The following CAPN7 variants were observed in gnomAD, a reference collection of about 807,000 sequenced individuals.
CAPN7 encodes the protein calpain-7.
A neutral mutation model predicts 115.2 loss-of-function variants in CAPN7; 72 were observed. That is an observed-to-expected ratio of 0.63 (90% confidence interval 0.52 to 0.76). The LOEUF is 0.76. CAPN7 is among the 30% of genes least tolerant of loss of function. The pLI is 0.00. For synonymous variants in CAPN7, 344 were observed against 322.3 expected, an observed-to-expected ratio of 1.07 and a Z score of -0.72; for missense variants, 905 against 971.5, an observed-to-expected ratio of 0.93 and a Z score of 0.91.
At position 15,235,106 on chromosome 3, in the gene CAPN7, C is replaced by A. The variant is rs1405086923; in HGVS notation, c.1368C>A (p.Pro456=). Residue 456 remains proline (P), a synonymous_variant, in exon 12 of 21, where the codon CCC becomes CCA. Transcript: ENST00000253693. ...EAEGEKWGLV[P]THAYAVLDIR... ...AAGGAGAGAAGTGGGGTCTGGTTCC[C>A]ACACACGCATATGCTGTTTTGGATA... 6.2e-7 allele frequency: 1 copy of A among 1,613,666 alleles called. No individual in the cohort carries two copies.
At chr3:15,208,693 T>G (rs2044767657) in intron 1 of CAPN7, among the ~76,000 whole-genome samples, 1 of 152,166 alleles carries the variant, frequency 6.6e-6, no homozygotes, top group Non-Finnish European at 1.5e-5. Context: ...TATAACTAAT[T>G]CTTATGACTA....
intron 18 of CAPN7, 87 bp from the exon 19 acceptor site, chr3:15,247,235 CTTTTT>C: frequency 1.3e-6 from 1 of 748,184 alleles, no homozygotes; most frequent in South Asian, 2.8e-5. Context: ...GGAAAATTGC[CTTTTT>C]TTTTTTTTTG....
At position 15,220,878 on chromosome 3, in the gene CAPN7, C is replaced by G; in HGVS notation, c.535C>G (p.Leu179Val). The G allele has an allele frequency of 6.2e-7, 1 of 1,614,220 alleles. No individual in the cohort carries two copies. The highest frequency in any genetic ancestry group is 2.2e-5 in the East Asian group (1 of 44,884). The change falls in exon 5 of 21, where the codon CTG (leucine) becomes GTG (valine). Residue 179 changes from leucine (L) to valine (V), a missense_variant. Physicochemically the swap from Leu to Val is conservative, Grantham distance 32 (BLOSUM62 1). This residue lies in a region of CAPN7 where 271 missense variants were observed against 239.6 expected (regional missense o/e 1.13). Coordinates refer to ENST00000253693, the MANE Select transcript of CAPN7 (RefSeq NM_014296.3). ...KPPPVRAHFP[L>V]GANPFLERPQ... ...ACCTCCAGTGAGAGCACATTTTCCA[C>G]TGGGCGCTAATCCCTTCCTTGAAAG...
At chr3:15,241,400 T>C in intron 14 of CAPN7, 53 bp from the exon 15 acceptor site, 1 of 1,569,340 alleles carries the variant, frequency 6.4e-7, no homozygotes. Flanking sequence ...GTGTTATATT[T>C]TAGCTCTATG....
intron 15 of CAPN7, 99 bp from the exon 16 acceptor site, chr3:15,242,079 G>A: frequency 1.4e-6 from 1 of 739,674 alleles, no homozygotes; most frequent in Non-Finnish European, 2.3e-6. Context: ...GAGATTTTTT[G>A]TGGAGAGATT....
rs116730010 is a variant in CAPN7 at position 15,237,976 on chromosome 3, G to A, written c.1408-2497G>A. Among the ~76,000 whole-genome samples, 290 of 151,814 alleles carry A rather than the reference G, an allele frequency of 1.9e-3. 1 individual carries two copies. The highest frequency in any genetic ancestry group is 3.4e-3 in the Non-Finnish European group (232 of 67,932). Reference sequence around the variant, plus strand: ...ACAGTGACACCCTGCCTCAAAAAATGTATATTTATATATAAAGGTTTTCTC... The same window carrying A: ...ACAGTGACACCCTGCCTCAAAAAATATATATTTATATATAAAGGTTTTCTC... On this transcript the variant is annotated intron_variant, in intron 12 of 20. Coordinates refer to ENST00000253693, the MANE Select transcript of CAPN7 (RefSeq NM_014296.3).
intron 6 of CAPN7, 110 bp from the exon 7 acceptor site, chr3:15,227,729 G>T: frequency 3.6e-6 from 2 of 553,732 alleles, no homozygotes; most frequent in Non-Finnish European, 2.9e-6. Flanking sequence ...AGATAATACA[G>T]TACTGCTATA....
intron 9 of CAPN7, among the ~76,000 whole-genome samples, chr3:15,231,891 A>G (rs1262574636): frequency 6.6e-6 from 1 of 151,980 alleles, no homozygotes; most frequent in Non-Finnish European, 1.5e-5. Context: ...ATTTATATGT[A>G]TTTTCTAGCC....
chr3:15,219,895 A>G (rs892571177), intron 4 of CAPN7, among the ~76,000 whole-genome samples: 4 of 152,172 alleles, frequency 2.6e-5, no homozygotes, highest in African/African-American at 7.2e-5. Flanking sequence ...CACAGGGGCA[A>G]CATTCATTCT....
In CAPN7 at chr3:15,245,634, A is replaced by G; in HGVS notation, c.1973A>G (p.Gln658Arg). ...GTHTFTLVVS[Q>R]YEKQNTIHYT... ...CATACCTTTACATTAGTGGTTTCTC[A>G]ATATGAAAAACAGAACACAATCCAT... The change falls in exon 17 of 21, where the codon CAA becomes CGA. Residue 658 changes from glutamine to arginine, a missense_variant. By Grantham distance (43) the Gln-to-Arg change is conservative. Coordinates refer to ENST00000253693, the MANE Select transcript of CAPN7 (RefSeq NM_014296.3). 1.2e-6 allele frequency: 2 copies of G among 1,613,934 alleles called. No individual in the cohort carries two copies. Among genetic ancestry groups the G allele is most frequent in the African/African-American group, 1.3e-5 (1 of 75,032 alleles).
At chr3:15,248,122 A>C (rs1193885656) in intron 19 of CAPN7, among the ~76,000 whole-genome samples, 1 of 152,148 alleles carries the variant, frequency 6.6e-6, no homozygotes, top group Non-Finnish European at 1.5e-5. Context: ...ACATGTATAC[A>C]TATGTAACTA....
intron 2 of CAPN7, among the ~76,000 whole-genome samples, chr3:15,215,868 T>G (rs2045221651): frequency 6.6e-6 from 1 of 152,214 alleles, no homozygotes; most frequent in South Asian, 2.1e-4. Flanking sequence ...GACAGATCAC[T>G]TGAGGCCAGC....
At chr3:15,236,461 G>A (rs913275943) in intron 12 of CAPN7, among the ~76,000 whole-genome samples, 1 of 152,206 alleles carries the variant, frequency 6.6e-6, no homozygotes, top group Non-Finnish European at 1.5e-5. Context: ...AGAACGAATA[G>A]AAGTAGTGAT....
intron 2 of CAPN7, among the ~76,000 whole-genome samples, chr3:15,212,424 A>T (rs2045009012): frequency 6.6e-6 from 1 of 152,356 alleles, no homozygotes; most frequent in African/African-American, 2.4e-5. Context: ...AATATAGTCC[A>T]GTTTCCTAAT....
intron 1 of CAPN7, among the ~76,000 whole-genome samples, chr3:15,206,922 G>T (rs767648224): frequency 4.6e-5 from 7 of 152,254 alleles, no homozygotes; most frequent in Non-Finnish European, 1.0e-4. Flanking sequence ...ACTTGACTCT[G>T]ATTTACAGCT....
intron 19 of CAPN7, among the ~76,000 whole-genome samples, chr3:15,249,982 C>T (rs1414175802): frequency 1.3e-5 from 2 of 151,634 alleles, no homozygotes; most frequent in African/African-American, 4.8e-5. Flanking sequence ...CCAGGATGCT[C>T]TTGATCTCTT....
intron 10 of CAPN7, among the ~76,000 whole-genome samples, chr3:15,233,392 A>G (rs1694804993): frequency 1.3e-5 from 2 of 152,214 alleles, no homozygotes; most frequent in Non-Finnish European, 2.9e-5. Context: ...ATTAAATGCA[A>G]TAGGATGTTA....
chr3:15,223,689 G>T (rs1694134058), intron 6 of CAPN7, 128 bp downstream of exon 6: 5 of 624,342 alleles, frequency 8.0e-6, no homozygotes, highest in South Asian at 4.0e-5. Flanking sequence ...GGTGGCTGTG[G>T]GAAAGGGATA....
In CAPN7 at chr3:15,235,060, C is replaced by A; in HGVS notation, c.1322C>A (p.Thr441Asn). Reference sequence around the variant, plus strand: ...GGAGATGTCCTCATCACTGCGTCAACTGGAATGATGACAGAAGCTGAAGGA... The same window carrying A: ...GGAGATGTCCTCATCACTGCGTCAAATGGAATGATGACAGAAGCTGAAGGA... Reference protein sequence around the residue: ...HKGDVLITASTGMMTEAEGEK... With the variant: ...HKGDVLITASNGMMTEAEGEK... The change falls in exon 12 of 21, where the codon ACT (threonine) becomes AAT (asparagine). Residue 441 changes from threonine to asparagine, a missense_variant. By Grantham distance (65) the Thr-to-Asn change is moderately conservative. This residue lies in a region of CAPN7 where 620 missense variants were observed against 703.4 expected (regional missense o/e 0.88). Coordinates refer to ENST00000253693, the MANE Select transcript of CAPN7 (RefSeq NM_014296.3). 1.2e-6 allele frequency: 2 copies of A among 1,613,382 alleles called. No individual in the cohort carries two copies. The highest frequency in any genetic ancestry group is 1.7e-6 in the Non-Finnish European group (2 of 1,179,438).
Sources: gnomAD v4.1 joint callset for allele counts (sites outside exome capture counted in the v4.1 genomes callset) on GRCh38, gnomAD v4.1.1 for gene constraint, gnomAD v4.1.1 regional missense constraint, MANE v1.5 for transcripts, NCBI Gene and HGNC (gene_info 2026-07-23, HGNC 2026-07-21) for gene names.